GALNT18: variants seen among roughly 807,000 people sequenced by gnomAD.
GALNT18 encodes GalNAc-transferase 18.
A neutral mutation model predicts 69.5 loss-of-function variants in GALNT18; 44 were observed. That is an observed-to-expected ratio of 0.63 (90% CI 0.50 to 0.81). The LOEUF (loss-of-function observed/expected upper bound fraction) is 0.81, where lower values mean the gene tolerates loss of function less well. Ranked by LOEUF, GALNT18 falls within the 40% of genes least tolerant of loss-of-function variation. The pLI is 0.00. For synonymous variants in GALNT18, 364 were observed against 318.2 expected, an observed-to-expected ratio of 1.14 and a Z score of -1.53; for missense variants, 715 against 810.0, an observed-to-expected ratio of 0.88 and a Z score of 1.42.
At position 11,540,704 on chromosome 11, in the gene GALNT18, C is replaced by T. The variant is rs1857897036; in HGVS notation, c.235+80655G>A. Among the ~76,000 whole-genome samples the T allele has an allele frequency of 6.6e-6, 1 of 152,056 alleles. No homozygotes were observed. Among genetic ancestry groups the T allele is most frequent in the South Asian group, 2.1e-4 (1 of 4,820 alleles). ...TGAGATATGCACTTCAAAAAGGCAC[C>T]CTCAACAAGCACTGAATGATACAAC... On this transcript the variant is annotated intron_variant, in intron 1 of 10. Transcript: ENST00000227756. This position sits in a 1 kb window ranked among gnomAD's most constrained non-coding sequence, Gnocchi z 4.6.
chr11:11,428,646 C>A (rs1855192672), intron 3 of GALNT18, among the ~76,000 whole-genome samples: 1 of 152,224 alleles, frequency 6.6e-6, no homozygotes, highest in South Asian at 2.1e-4. Flanking sequence ...GCCTCAGGTG[C>A]CCACCTCCCC....
chr11:11,507,908 G>A (rs896601124), intron 1 of GALNT18, among the ~76,000 whole-genome samples: 1 of 152,200 alleles, frequency 6.6e-6, no homozygotes, highest in Non-Finnish European at 1.5e-5. Flanking sequence ...TTTCTCCCAT[G>A]CTGGATGCTT....
rs1019535790 is a variant in GALNT18 at position 11,505,366 on chromosome 11, G to T, written c.236-56430C>A. Among the ~76,000 whole-genome samples the T allele has an allele frequency of 6.6e-6, 1 of 152,150 alleles. No individual in the cohort carries two copies. Among genetic ancestry groups the T allele is most frequent in the African/African-American group, 2.4e-5 (1 of 41,426 alleles). On this transcript the variant is annotated intron_variant, in intron 1 of 10. Coordinates refer to ENST00000227756, the MANE Select transcript of GALNT18 (RefSeq NM_198516.3). This position sits in a 1 kb window ranked among gnomAD's most constrained non-coding sequence, Gnocchi z 4.6. ...TAACAGTGTGAGTTACCAGATTCTT[G>T]AATCTCTATGAAGGATGGCAGGCAG... is the stretch of plus-strand genomic sequence containing the variant.
intron 1 of GALNT18, among the ~76,000 whole-genome samples, chr11:11,460,698 G>A (rs971885075): frequency 1.3e-5 from 2 of 152,128 alleles, no homozygotes; most frequent in African/African-American, 2.4e-5. Context: ...CCACACAGAC[G>A]GAATCATTAT....
At chr11:11,516,582 G>T (rs1203779335) in intron 1 of GALNT18, among the ~76,000 whole-genome samples, 2 of 152,170 alleles carry the variant, frequency 1.3e-5, no homozygotes, top group Non-Finnish European at 2.9e-5. Flanking sequence ...AGTGAGCCCA[G>T]ATGACACCAT....
chr11:11,535,987 C>T lies in GALNT18; in HGVS notation c.235+85372G>A, dbSNP rs138430779. On this transcript the variant is annotated intron_variant, in intron 1 of 10. Transcript: ENST00000227756. ...CCATGTAGAGGGTGGTCCCTATCCA[C>T]GGAGGTCCAAGTCCTCCACCCATTT... Among the ~76,000 whole-genome samples, 513 of 152,314 alleles carry T rather than the reference C, an allele frequency of 3.4e-3. 2 individuals carry two copies. The highest frequency in any genetic ancestry group is 4.8e-3 in the Admixed American group (74 of 15,306).
intron 9 of GALNT18, among the ~76,000 whole-genome samples, chr11:11,294,651 AAC>A (rs1186773396): frequency 6.6e-6 from 1 of 151,850 alleles, no homozygotes; most frequent in African/African-American, 2.4e-5. Flanking sequence ...GTGTTTCATT[AAC>A]ACATCATTTA....
In GALNT18 at chr11:11,454,341, C is replaced by A. The variant is rs1456439173; in HGVS notation, c.236-5405G>T. Among the ~76,000 whole-genome samples, 1 of 152,182 alleles carries A rather than the reference C, an allele frequency of 6.6e-6. No homozygotes were observed. The highest frequency in any genetic ancestry group is 2.4e-5 in the African/African-American group (1 of 41,442). ...TACGGTCAGTGGTAAGCAATCTCCACTGCTCTCCCAGGACTCCTCTGTAAA... is the reference window on the plus strand; with the variant it reads ...TACGGTCAGTGGTAAGCAATCTCCAATGCTCTCCCAGGACTCCTCTGTAAA... On this transcript the variant is annotated intron_variant, in intron 1 of 10. Coordinates refer to ENST00000227756, the MANE Select transcript of GALNT18 (RefSeq NM_198516.3). The surrounding 1 kb of genome is among the most constrained non-coding windows in gnomAD (Gnocchi z 4.2).
chr11:11,360,948 G>T (rs1850632167), intron 6 of GALNT18, among the ~76,000 whole-genome samples: 1 of 152,140 alleles, frequency 6.6e-6, no homozygotes, highest in African/African-American at 2.4e-5. Flanking sequence ...GTTGCCATTG[G>T]TAGATCAAAG....
intron 1 of GALNT18, among the ~76,000 whole-genome samples, chr11:11,549,531 T>A (rs956941117): frequency 6.6e-6 from 1 of 152,198 alleles, no homozygotes; most frequent in Admixed American, 6.5e-5. Context: ...CCCCAGTCCT[T>A]CATAAGAAGT....
At chr11:11,311,979 C>T (rs577670974) in intron 9 of GALNT18, among the ~76,000 whole-genome samples, 20 of 152,298 alleles carry the variant, frequency 1.3e-4, no homozygotes, top group African/African-American at 2.6e-4. Flanking sequence ...TTTTTTGAGA[C>T]GGAGTCTCGC....
At chr11:11,300,967 C>T (rs1053547693) in intron 9 of GALNT18, among the ~76,000 whole-genome samples, 28 of 152,312 alleles carry the variant, frequency 1.8e-4, no homozygotes, top group Admixed American at 1.3e-3. Context: ...TGGATTCTAG[C>T]TTAAAAGCAA....
Position 11,382,934 on chromosome 11 carries a change from A to G in GALNT18, c.596-3670T>C, listed in dbSNP as rs1853956429. Among the ~76,000 whole-genome samples, 2 of 152,146 alleles carry G rather than the reference A, an allele frequency of 1.3e-5. No individual in the cohort carries two copies. Among genetic ancestry groups the G allele is most frequent in the South Asian group, 4.2e-4 (2 of 4,816 alleles). On this transcript the variant is annotated intron_variant, in intron 3 of 10. Transcript: ENST00000227756. This position sits in a 1 kb window ranked among gnomAD's most constrained non-coding sequence, Gnocchi z 4.3. The stretch of plus-strand genomic sequence containing the variant: ...TGTGACTCTGCCAGATCTAGAGTCA[A>G]TGTGCAGCTGTCGATAGCCCATGTT...
chr11:11,608,940 A>G (rs575488166), intron 1 of GALNT18, among the ~76,000 whole-genome samples: 7 of 152,324 alleles, frequency 4.6e-5, no homozygotes, highest in African/African-American at 1.7e-4. Context: ...CATGAAGTCT[A>G]TTCTGACAAT....
chr11:11,521,651 T>C (rs1228468611), intron 1 of GALNT18, among the ~76,000 whole-genome samples: 1 of 152,154 alleles, frequency 6.6e-6, no homozygotes, highest in Non-Finnish European at 1.5e-5. Flanking sequence ...CAGAGAAGAT[T>C]ACAGTGGCGG....
In GALNT18 at chr11:11,444,200, AC is replaced by A. The variant is rs1443311616; in HGVS notation, c.428+4543del. On this transcript the variant is annotated intron_variant, in intron 2 of 10. Coordinates refer to ENST00000227756, the MANE Select transcript of GALNT18 (RefSeq NM_198516.3). The surrounding 1 kb of genome is among the most constrained non-coding windows in gnomAD (Gnocchi z 4.4). ...CACAGAGAGGTGCCTTGCAGATGCC[AC>A]CCTCCAGGCCCCGCCTCCCTGCCAC... Among the ~76,000 whole-genome samples the A allele has an allele frequency of 1.3e-5, 2 of 151,278 alleles. No individual in the cohort carries two copies. The highest frequency in any genetic ancestry group is 2.4e-5 in the African/African-American group (1 of 41,134).
In GALNT18 at chr11:11,613,973, C is replaced by T. The variant is rs1204601601; in HGVS notation, c.235+7386G>A. Among the ~76,000 whole-genome samples, 4 of 152,178 alleles carry T rather than the reference C, an allele frequency of 2.6e-5. No homozygotes were observed. Among genetic ancestry groups the T allele is most frequent in the African/African-American group, 9.7e-5 (4 of 41,448 alleles). ...TCCAGGAACTTTCTGTGTAACATCACCTCCAGCTGTACTGCTTGGCAATGT... is the reference window on the plus strand; with the variant it reads ...TCCAGGAACTTTCTGTGTAACATCATCTCCAGCTGTACTGCTTGGCAATGT... On this transcript the variant is annotated intron_variant, in intron 1 of 10. Coordinates refer to ENST00000227756, the MANE Select transcript of GALNT18 (RefSeq NM_198516.3). This position sits in a 1 kb window ranked among gnomAD's most constrained non-coding sequence, Gnocchi z 4.2.
intron 3 of GALNT18, among the ~76,000 whole-genome samples, chr11:11,397,918 G>A (rs199833345): frequency 2.6e-5 from 4 of 152,206 alleles, no homozygotes; most frequent in African/African-American, 9.7e-5. Flanking sequence ...ATGAGATGCC[G>A]GAGAGAAAGT....
intron 1 of GALNT18, among the ~76,000 whole-genome samples, chr11:11,450,256 G>T (rs996714293): frequency 6.6e-6 from 1 of 152,190 alleles, no homozygotes; most frequent in Non-Finnish European, 1.5e-5. Flanking sequence ...GGAGTCAATG[G>T]GTGTATGACA....
Sources: gnomAD v4.1 joint callset for allele counts (sites outside exome capture counted in the v4.1 genomes callset) on GRCh38, gnomAD v4.1.1 for gene constraint, Gnocchi (gnomAD v3.1) non-coding constraint, MANE v1.5 for transcripts, NCBI Gene and HGNC (gene_info 2026-07-23, HGNC 2026-07-21) for gene names.